PDE4D: variants seen among roughly 807,000 people sequenced by gnomAD.
PDE4D encodes 3',5'-cyclic-AMP phosphodiesterase 4D.
A neutral mutation model predicts 87.4 loss-of-function variants in PDE4D; 24 were observed. The ratio of observed to expected loss-of-function variants is 0.27; its 90% confidence interval spans 0.20 to 0.39. The LOEUF (loss-of-function observed/expected upper bound fraction) is 0.39. PDE4D is among the 10% of genes least tolerant of loss of function. The pLI is 1.00. For synonymous variants in PDE4D, 384 were observed against 383.2 expected, an observed-to-expected ratio of 1.00 and a Z score of -0.02; for missense variants, 714 against 1,041.0, an observed-to-expected ratio of 0.69 and a Z score of 4.32.
At chr5:59,151,226 T>C (rs1408202789) in intron 5 of PDE4D, among the ~76,000 whole-genome samples, 1 of 152,198 alleles carries the variant, frequency 6.6e-6, no homozygotes, top group Admixed American at 6.5e-5. Context: ...TGCCAGTAGC[T>C]TGGGAATCTG....
In PDE4D at chr5:59,334,778, T is replaced by TA. The variant is rs566180156; in HGVS notation, c.456-118811dup. On this transcript the variant is annotated intron_variant, in intron 1 of 14. Transcript: ENST00000340635. ...GGTCTTCTCCTCACCTCCCCATTCCTAAAAAAAAAAATCATTTTTATATTC... is the reference window on the plus strand; with the variant it reads ...GGTCTTCTCCTCACCTCCCCATTCCTAAAAAAAAAAAATCATTTTTATATTC... Among the ~76,000 whole-genome samples the TA allele has an allele frequency of 8.9e-3, 1,308 of 146,296 alleles. 21 individuals are homozygous for TA. The highest frequency in any genetic ancestry group is 0.03 in the African/African-American group (1,186 of 40,070).
chr5:59,882,868 C>A (rs1581579988), intron 1 of PDE4D, among the ~76,000 whole-genome samples: 1 of 151,948 alleles, frequency 6.6e-6, no homozygotes, highest in South Asian at 2.1e-4. Context: ...ATCTCTGCCT[C>A]CCAGGGTCAA....
At chr5:60,441,607 A>C (rs1745218792) in intron 1 of PDE4D, among the ~76,000 whole-genome samples, 1 of 152,220 alleles carries the variant, frequency 6.6e-6, no homozygotes, top group Non-Finnish European at 1.5e-5. Flanking sequence ...TAAACTAAAG[A>C]GCTTCTGCAC....
At chr5:59,984,575 T>C (rs1762224472) in intron 3 of PDE4D, among the ~76,000 whole-genome samples, 1 of 152,174 alleles carries the variant, frequency 6.6e-6, no homozygotes, top group Non-Finnish European at 1.5e-5. Context: ...ACATTCGCAT[T>C]GCTTGGGAAA....
chr5:59,106,326 A>G (rs1771573298), intron 5 of PDE4D, among the ~76,000 whole-genome samples: 1 of 152,252 alleles, frequency 6.6e-6, no homozygotes, highest in Non-Finnish European at 1.5e-5. Flanking sequence ...AGGGCAGATT[A>G]GAATCTGCTT....
chr5:59,368,681 A>C lies in PDE4D; in HGVS notation c.456-152713T>G, dbSNP rs575062220. ...AATATGATACAATGTATGCAGGAAG[A>C]GTTGTGCTTTATGTGATATTCTGAC... is the stretch of plus-strand genomic sequence containing the variant. On this transcript the variant is annotated intron_variant, in intron 1 of 14. Coordinates refer to ENST00000340635, the MANE Select transcript of PDE4D (RefSeq NM_001104631.2). 2.6e-5 allele frequency among the ~76,000 whole-genome samples: 4 copies of C among 152,352 alleles called. No individual in the cohort carries two copies. In the East Asian group the frequency reaches 7.7e-4, roughly 29 times the overall value.
Position 60,197,074 on chromosome 5 carries a change from CAGTTAGATAGAT to C in PDE4D, c.-89-11399_-89-11388del, listed in dbSNP as rs1164999792. ...ATAGATAGATAGATAGATAGATAGA[CAGTTAGATAGAT>C]AGATAGATAGATAGATAGATAGATA... On this transcript the variant is annotated intron_variant, in intron 1 of 16. Coordinates refer to the PDE4D transcript ENST00000502484. 5.1e-3 allele frequency among the ~76,000 whole-genome samples: 273 copies of C among 53,564 alleles called. 5 individuals are homozygous for C. Among genetic ancestry groups the C allele is most frequent in the African/African-American group, 6.2e-3 (114 of 18,324 alleles). 35.1% of individuals were successfully genotyped at this position (53,564 alleles called of 152,430 possible).
intron 1 of PDE4D, among the ~76,000 whole-genome samples, chr5:59,516,053 T>C (rs937605641): frequency 6.6e-6 from 1 of 152,352 alleles, no homozygotes; most frequent in East Asian, 1.9e-4. Context: ...TTATTTTAAC[T>C]GTGATTCATG....
At chr5:59,449,123 T>A (rs1046911617) in intron 1 of PDE4D, among the ~76,000 whole-genome samples, 1 of 152,202 alleles carries the variant, frequency 6.6e-6, no homozygotes, top group Non-Finnish European at 1.5e-5. Flanking sequence ...CCATTAGCAG[T>A]CCTGTGTTCC....
chr5:60,495,378 G>A (rs1045386574), intron 1 of PDE4D, among the ~76,000 whole-genome samples: 4 of 152,116 alleles, frequency 2.6e-5, no homozygotes, highest in African/African-American at 4.8e-5. Flanking sequence ...TGCTAAAATG[G>A]TAGATCCCTG....
At chr5:59,776,007 C>T (rs1449743573) in intron 1 of PDE4D, among the ~76,000 whole-genome samples, 1 of 152,114 alleles carries the variant, frequency 6.6e-6, no homozygotes, top group African/African-American at 2.4e-5. Flanking sequence ...TTTCACTGAA[C>T]ATGTCTATAA....
At chr5:59,143,612 A>G (rs1235382254) in intron 5 of PDE4D, among the ~76,000 whole-genome samples, 2 of 152,218 alleles carry the variant, frequency 1.3e-5, no homozygotes, top group African/African-American at 4.8e-5. Flanking sequence ...TAAGTACTCA[A>G]TAAATATTAT....
chr5:59,754,001 A>C (rs1760858070), intron 1 of PDE4D, among the ~76,000 whole-genome samples: 1 of 152,092 alleles, frequency 6.6e-6, no homozygotes, highest in Non-Finnish European at 1.5e-5. Flanking sequence ...TGAAGTTTCT[A>C]TCAACAGTGT....
At chr5:59,400,748 A>C (rs939885631) in intron 1 of PDE4D, among the ~76,000 whole-genome samples, 1 of 148,798 alleles carries the variant, frequency 6.7e-6, no homozygotes, top group Admixed American at 6.6e-5. Context: ...AAAAAAATAA[A>C]AAAATAAATC....
rs1767114501 is a variant in PDE4D, at chr5:59,801,435, G to C, written c.455+91733C>G. Among the ~76,000 whole-genome samples, 7 of 152,210 alleles carry C rather than the reference G, an allele frequency of 4.6e-5. No homozygotes were observed. The South Asian group carries it at 1.5e-3, about 32-fold the overall frequency. On this transcript the variant is annotated intron_variant, in intron 1 of 14. Transcript: ENST00000340635. Reference sequence around the variant, plus strand: ...GAGCTATTTCCTAGGTATATTTTAGGAACTTATCTGGTGATATCTATCTAT... The same window carrying C: ...GAGCTATTTCCTAGGTATATTTTAGCAACTTATCTGGTGATATCTATCTAT...
chr5:59,071,109 T>C lies in PDE4D; in HGVS notation c.809-32138A>G, dbSNP rs563666189. 2.6e-5 allele frequency among the ~76,000 whole-genome samples: 4 copies of C among 152,336 alleles called. No individual in the cohort carries two copies. The South Asian group carries it at 8.3e-4, about 32-fold the overall frequency. On this transcript the variant is annotated intron_variant, in intron 5 of 14. Transcript: ENST00000340635. ...TGAGTATAGAATTCTTGGTTGAGAA[T>C]CACTTTCCTTCGGAATTTAAAAGGC...
chr5:59,151,668 C>T (rs1483549015), intron 5 of PDE4D, among the ~76,000 whole-genome samples: 1 of 152,024 alleles, frequency 6.6e-6, no homozygotes, highest in African/African-American at 2.4e-5. Flanking sequence ...CCTCACTTTG[C>T]CTTGTGTTTA....
intron 5 of PDE4D, among the ~76,000 whole-genome samples, chr5:59,048,465 T>C (rs1761051655): frequency 6.6e-6 from 1 of 152,320 alleles, no homozygotes; most frequent in South Asian, 2.1e-4. Flanking sequence ...AGCTCTAACA[T>C]TCATTTATTA....
At chr5:60,224,294 C>G (rs959392514) in intron 1 of PDE4D, among the ~76,000 whole-genome samples, 14 of 152,072 alleles carry the variant, frequency 9.2e-5, no homozygotes, top group African/African-American at 3.1e-4. Context: ...TCTATTGCAG[C>G]CCTCTTCTAA....
Sources: allele counts gnomAD v4.1 joint callset (sites outside exome capture counted in the v4.1 genomes callset), GRCh38; gene constraint gnomAD v4.1.1; transcripts MANE v1.5; gene names NCBI Gene and HGNC (gene_info 2026-07-23, HGNC 2026-07-21).